VPS53: variants seen among roughly 807,000 people sequenced by gnomAD.
VPS53 encodes the protein VPS53 subunit of GARP complex.
VPS53 carries 70 observed loss-of-function variants against 107.0 expected under a neutral mutation model. The observed-to-expected ratio is 0.65, with a 90% CI of 0.54 to 0.80. VPS53 has a LOEUF of 0.80. Ranked by LOEUF, VPS53 falls within the 30% of genes least tolerant of loss-of-function variation. The probability of loss-of-function intolerance (pLI) is 0.00; values close to 1 mark genes in which losing one functional copy is unlikely to be tolerated. For synonymous variants in VPS53, 409 were observed against 393.3 expected (o/e 1.04, Z -0.47); for missense variants, 917 against 1,049.4 (o/e 0.87, Z 1.74).
chr17:703,763 C>T (rs1474652559), intron 2 of VPS53, among the ~76,000 whole-genome samples: 1 of 151,544 alleles, frequency 6.6e-6, no homozygotes, highest in Admixed American at 6.6e-5. Context: ...AACTGTATAG[C>T]TGTACAAAAA....
At position 562,512 on chromosome 17, in the gene VPS53, T is replaced by C. The variant is rs1438406724; in HGVS notation, c.1547A>G (p.Asn516Ser). 9.9e-6 allele frequency: 16 copies of C among 1,613,940 alleles called. No individual in the cohort carries two copies. The highest frequency in any genetic ancestry group is 1.3e-5 in the Non-Finnish European group (15 of 1,180,020). ...GAAGAACAGGACTCACTTGGGCAGGTTGCCAGAGAGGATTTTCCAGGCGTA... is the reference window on the plus strand; with the variant it reads ...GAAGAACAGGACTCACTTGGGCAGGCTGCCAGAGAGGATTTTCCAGGCGTA... The part of the protein sequence containing the change: ...REYAWKILSG[N>S]LPKTTTSSGG... Residue 516 changes from asparagine (N) to serine (S), a missense_variant, in exon 14 of 22, where the codon AAC becomes AGC. By Grantham distance (46) the Asn-to-Ser change is conservative. Transcript: ENST00000437048.
At chr17:618,439 G>A (rs12942406) in intron 11 of VPS53, among the ~76,000 whole-genome samples, 1 of 76,192 alleles carries the variant, frequency 1.3e-5, no homozygotes, top group Non-Finnish European at 2.6e-5. Flanking sequence ...TAGCTGGGAC[G>A]ACAGGCGTGC....
intron 7 of VPS53, among the ~76,000 whole-genome samples, chr17:645,963 G>A: frequency 7.4e-6 from 1 of 134,944 alleles, no homozygotes; most frequent in African/African-American, 2.6e-5. Context: ...CCGTGACCGT[G>A]TGGCCACTGC....
At chr17:559,874 C>T (rs1423634430) in intron 15 of VPS53, among the ~76,000 whole-genome samples, 1 of 152,250 alleles carries the variant, frequency 6.6e-6, no homozygotes, top group Non-Finnish European at 1.5e-5. Flanking sequence ...AGTTGCTGAA[C>T]TATGGCCATG....
intron 11 of VPS53, among the ~76,000 whole-genome samples, chr17:612,258 T>A (rs1210018345): frequency 4.5e-5 from 5 of 111,382 alleles, no homozygotes; most frequent in Non-Finnish European, 7.5e-5. Context: ...GTACAAATAT[T>A]CACATAGTGA....
chr17:690,678 G>A (rs542185087), intron 4 of VPS53, among the ~76,000 whole-genome samples: 86 of 152,056 alleles, frequency 5.7e-4, no homozygotes, highest in Non-Finnish European at 1.0e-3. Flanking sequence ...CATGTAATAC[G>A]GCTGCCAAAA....
intron 17 of VPS53, among the ~76,000 whole-genome samples, chr17:550,931 A>C (rs1911762637): frequency 6.6e-6 from 1 of 152,174 alleles, no homozygotes; most frequent in Non-Finnish European, 1.5e-5. Context: ...GCTCAGAAGG[A>C]GTTGGAAAAA....
chr17:590,142 G>A (rs1316586335), intron 12 of VPS53, among the ~76,000 whole-genome samples: 1 of 151,780 alleles, frequency 6.6e-6, no homozygotes, highest in Non-Finnish European at 1.5e-5. Flanking sequence ...TGAAGCAATT[G>A]TGAATGGGAG....
Position 520,763 on chromosome 17 carries a change from GCTTCACCCTCACCTACATGAGCT to G in VPS53, c.2223+815_2224-834del, listed in dbSNP as rs896807150. On this transcript the variant is annotated intron_variant, in intron 20 of 21. Transcript: ENST00000437048. This position sits in a 1 kb window ranked among gnomAD's most constrained non-coding sequence, Gnocchi z 4.4. ...AGCAGGGAAAGAACATGATGAGGCA[GCTTCACCCTCACCTACATGAGCT>G]CTTCACCCTCACCTACATGAGCTGC... Among the ~76,000 whole-genome samples, 4 of 137,808 alleles carry G rather than the reference GCTTCACCCTCACCTACATGAGCT, an allele frequency of 2.9e-5. No individual in the cohort carries two copies. The highest frequency in any genetic ancestry group is 4.8e-5 in the Non-Finnish European group (3 of 62,704). 90.4% of individuals were successfully genotyped at this position (137,808 alleles called of 152,430 possible).
intron 11 of VPS53, among the ~76,000 whole-genome samples, chr17:620,981 T>C (rs1037580451): frequency 7.2e-5 from 11 of 152,092 alleles, no homozygotes; most frequent in East Asian, 3.8e-4. Context: ...TTTAAAACAA[T>C]TGAAAAATAA....
intron 7 of VPS53, among the ~76,000 whole-genome samples, chr17:652,120 G>A (rs1054884790): frequency 6.6e-6 from 1 of 151,516 alleles, no homozygotes; most frequent in African/African-American, 2.4e-5. Context: ...TCAGCTTCCC[G>A]AGTAGCTGGG....
chr17:574,015 A>G (rs368292830), intron 13 of VPS53, among the ~76,000 whole-genome samples: 62 of 152,128 alleles, frequency 4.1e-4, no homozygotes, highest in African/African-American at 1.5e-3. Flanking sequence ...AAGAGCGTCG[A>G]TGCTTTCCAT....
chr17:581,127 T>TG (rs1966992571), intron 13 of VPS53, among the ~76,000 whole-genome samples: 1 of 149,726 alleles, frequency 6.7e-6, no homozygotes, highest in African/African-American at 2.5e-5. Flanking sequence ...CCTCAGGACC[T>TG]AATGCGTTTC....
At chr17:664,805 G>C (rs1042657058) in intron 4 of VPS53, among the ~76,000 whole-genome samples, 1 of 152,198 alleles carries the variant, frequency 6.6e-6, no homozygotes, top group African/African-American at 2.4e-5. Context: ...TTCCAGGAAG[G>C]TACAATGTGT....
chr17:537,891 A>G (rs1910233969), intron 17 of VPS53: 1 of 152,208 alleles, frequency 6.6e-6, no homozygotes, highest in Non-Finnish European at 1.5e-5. Flanking sequence ...GGATTATGTC[A>G]GGATTTCAAT....
Position 519,841 on chromosome 17 carries a change from C to A in VPS53, c.2313G>T (p.Lys771Asn), listed in dbSNP as rs555427023. 1 of 1,551,336 alleles carries A rather than the reference C, an allele frequency of 6.4e-7. No individual in the cohort carries two copies. Among genetic ancestry groups the A allele is most frequent in the Admixed American group, 2.0e-5 (1 of 51,002 alleles). ...LTDCNTETFQKILDMKGLKRS... is the reference protein window; with the variant it reads ...LTDCNTETFQNILDMKGLKRS... ...CGGCACAAACCTTCATGTCCAGTAT[C>A]TTCTGAAAGGTTTCTGTGTTGCAGT... The change falls in exon 21 of 22, where the codon AAG becomes AAT. Residue 771 changes from lysine (K) to asparagine (N), a missense_variant. Lys to Asn is a moderately conservative substitution (Grantham distance 94). Transcript: ENST00000437048. This position sits in a 1 kb window ranked among gnomAD's most constrained non-coding sequence, Gnocchi z 5.0.
rs1049443437 is a variant in VPS53 at position 517,819 on chromosome 17, C to A, written c.*1309G>T. On this transcript the variant is annotated 3_prime_UTR_variant, in exon 22 of 22. Coordinates refer to ENST00000437048, the MANE Select transcript of VPS53 (RefSeq NM_001128159.3). The stretch of plus-strand genomic sequence containing the variant: ...TACAGGCATGAGCCACCACACCCAG[C>A]CAATTTTTTGTATTTTTGGTTTTGC... 2 of 168,004 alleles carry A rather than the reference C, an allele frequency of 1.2e-5. No individual in the cohort carries two copies. The highest frequency in any genetic ancestry group is 2.5e-5 in the Non-Finnish European group (2 of 78,802). 10.4% of individuals were successfully genotyped at this position (168,004 alleles called of 1,614,324 possible).
At chr17:548,419 ACAG>A (rs1911450819) in intron 17 of VPS53, among the ~76,000 whole-genome samples, 1 of 149,246 alleles carries the variant, frequency 6.7e-6, no homozygotes, top group African/African-American at 2.5e-5. Context: ...TGGCCAGCCA[ACAG>A]TCCTTCTGGA....
At chr17:540,995 T>C (rs9904887) in intron 17 of VPS53, among the ~76,000 whole-genome samples, 27,483 of 152,152 alleles carry the variant, frequency 0.18, 6,177 homozygotes, top group African/African-American at 0.52. Context: ...CCTATTGCTA[T>C]AGGAAGCTTG....
Sources: allele counts gnomAD v4.1 joint callset (sites outside exome capture counted in the v4.1 genomes callset), GRCh38; gene constraint gnomAD v4.1.1; non-coding constraint Gnocchi (gnomAD v3.1); transcripts MANE v1.5; gene names NCBI Gene and HGNC (gene_info 2026-07-23, HGNC 2026-07-21).